CERT1: variants seen among roughly 807,000 people sequenced by gnomAD.
The protein encoded by CERT1 is ceramide transporter 1, also known as ceramide transfer protein.
A neutral mutation model predicts 87.9 loss-of-function variants in CERT1; 31 were observed. The observed-to-expected ratio is 0.35, with a 90% confidence interval of 0.27 to 0.48. CERT1 has a LOEUF of 0.48. Ranked by LOEUF, CERT1 falls within the 20% of genes least tolerant of loss-of-function variation. The pLI is 0.99. For synonymous variants in CERT1, 289 were observed against 250.9 expected, an observed-to-expected ratio of 1.15 and a Z score of -1.44; for missense variants, 487 against 758.0, an observed-to-expected ratio of 0.64 and a Z score of 4.20.
chr5:75,426,299 T>C (rs530527753), intron 4 of CERT1, 72 bp downstream of exon 4: 2 of 1,043,822 alleles, frequency 1.9e-6, no homozygotes, highest in East Asian at 2.4e-5. Flanking sequence ...TTATCACATA[T>C]GTTCTGTTCA....
intron 11 of CERT1, among the ~76,000 whole-genome samples, chr5:75,391,650 A>T (rs992451622): frequency 1.3e-5 from 2 of 152,238 alleles, no homozygotes; most frequent in Non-Finnish European, 2.9e-5. Flanking sequence ...CAAATTACTA[A>T]TACATACAAA....
At chr5:75,496,164 C>T (rs1159268690) in intron 2 of CERT1, among the ~76,000 whole-genome samples, 2 of 151,400 alleles carry the variant, frequency 1.3e-5, no homozygotes, top group East Asian at 3.9e-4. Flanking sequence ...GATATTTAAA[C>T]AAACATCACA....
chr5:75,437,024 G>A (rs556690199), intron 3 of CERT1, among the ~76,000 whole-genome samples: 9 of 152,062 alleles, frequency 5.9e-5, no homozygotes, highest in Non-Finnish European at 1.3e-4. Flanking sequence ...GGGGTCAAGC[G>A]ATTCTCCTAC....
Position 75,459,623 on chromosome 5 carries a change from A to G in CERT1, c.232-442T>C, listed in dbSNP as rs143290880. Reference sequence around the variant, plus strand: ...ATCCTCATGCCTCCCAACTGGGACTACTGGCACATACCACCATGCCCTGCT... The same window carrying G: ...ATCCTCATGCCTCCCAACTGGGACTGCTGGCACATACCACCATGCCCTGCT... On this transcript the variant is annotated intron_variant, in intron 2 of 16. Transcript: ENST00000643780. Among the ~76,000 whole-genome samples, 101 of 152,260 alleles carry G rather than the reference A, an allele frequency of 6.6e-4. 1 individual carries two copies. The highest frequency in any genetic ancestry group is 2.4e-3 in the African/African-American group (98 of 41,552).
intron 3 of CERT1, among the ~76,000 whole-genome samples, chr5:75,439,969 G>A (rs1326488773): frequency 6.6e-6 from 1 of 152,052 alleles, no homozygotes; most frequent in African/African-American, 2.4e-5. Flanking sequence ...GAACATGAGT[G>A]AGAAAATGTG....
intron 3 of CERT1, among the ~76,000 whole-genome samples, chr5:75,454,375 C>T (rs1764884152): frequency 6.6e-6 from 1 of 152,090 alleles, no homozygotes; most frequent in Non-Finnish European, 1.5e-5. Flanking sequence ...TTTTAATGTG[C>T]ATTTCTTGCT....
chr5:75,497,782 A>T (rs1409986016), intron 2 of CERT1, among the ~76,000 whole-genome samples: 2 of 152,292 alleles, frequency 1.3e-5, no homozygotes, highest in Admixed American at 6.5e-5. Context: ...TAGGAGCATG[A>T]GAACAGACTA....
chr5:75,466,577 C>T (rs1305101121), intron 2 of CERT1, among the ~76,000 whole-genome samples: 1 of 152,290 alleles, frequency 6.6e-6, no homozygotes, highest in East Asian at 1.9e-4. Flanking sequence ...TCCAGCTGAG[C>T]CTCAACTCTT....
chr5:75,398,852 A>G (rs1762359266), intron 11 of CERT1, among the ~76,000 whole-genome samples: 1 of 152,252 alleles, frequency 6.6e-6, no homozygotes. Context: ...AGAGCTTAGT[A>G]TTATAATGGA....
At chr5:75,397,706 T>C (rs948989906) in intron 11 of CERT1, among the ~76,000 whole-genome samples, 6 of 152,208 alleles carry the variant, frequency 3.9e-5, no homozygotes, top group African/African-American at 1.4e-4. Flanking sequence ...AGATTCATTA[T>C]GAATATGAGT....
chr5:75,469,606 CA>C (rs1213833970), intron 2 of CERT1, among the ~76,000 whole-genome samples: 1 of 151,270 alleles, frequency 6.6e-6, no homozygotes, highest in African/African-American at 2.4e-5. Flanking sequence ...GCAATAAATA[CA>C]AAAAATAAAT....
At chr5:75,459,962 CAAAAAAAAAAAAAAA>C (rs753591061) in intron 2 of CERT1, among the ~76,000 whole-genome samples, 1 of 25,532 alleles carries the variant, frequency 3.9e-5, no homozygotes, top group Admixed American at 4.5e-4. Flanking sequence ...TCCTCCGTCT[CAAAAAAAAAAAAAAA>C]AAAAAAAAAA....
At chr5:75,488,867 A>G (rs927350507) in intron 2 of CERT1, among the ~76,000 whole-genome samples, 5 of 152,142 alleles carry the variant, frequency 3.3e-5, no homozygotes, top group Admixed American at 6.5e-5. Context: ...CTCTATTCTG[A>G]GACATTTTTC....
intron 2 of CERT1, among the ~76,000 whole-genome samples, chr5:75,483,813 C>T (rs541816389): frequency 1.3e-5 from 2 of 151,772 alleles, no homozygotes; most frequent in East Asian, 3.9e-4. Flanking sequence ...CTAGACCTGT[C>T]TTGTAAGAGC....
chr5:75,484,651 C>T (rs1316862696), intron 2 of CERT1, among the ~76,000 whole-genome samples: 3 of 151,858 alleles, frequency 2.0e-5, no homozygotes, highest in African/African-American at 7.3e-5. Context: ...AAGGTCGTTA[C>T]ATAATGACAA....
At chr5:75,380,284 C>T (rs761751071) in intron 16 of CERT1, among the ~76,000 whole-genome samples, 6 of 152,030 alleles carry the variant, frequency 3.9e-5, no homozygotes, top group Non-Finnish European at 8.8e-5. Flanking sequence ...ACTAGGGAAA[C>T]GCTGACTCAG....
At chr5:75,410,406 G>C (rs552776460) in intron 8 of CERT1, among the ~76,000 whole-genome samples, 1 of 151,892 alleles carries the variant, frequency 6.6e-6, no homozygotes, top group African/African-American at 2.4e-5. Flanking sequence ...TCAGGAGATC[G>C]AGACCATCCT....
At chr5:75,395,856 A>T (rs1250557181) in intron 11 of CERT1, among the ~76,000 whole-genome samples, 1 of 152,048 alleles carries the variant, frequency 6.6e-6, no homozygotes, top group African/African-American at 2.4e-5. Flanking sequence ...TCTCAAAAAA[A>T]CCCAAAAAAC....
intron 3 of CERT1, among the ~76,000 whole-genome samples, chr5:75,436,091 G>T (rs572281065): frequency 6.6e-6 from 1 of 152,236 alleles, no homozygotes; most frequent in East Asian, 1.9e-4. Flanking sequence ...GGAGTGCAGC[G>T]GTGCGATCTT....
Sources: gnomAD v4.1 joint callset for allele counts (sites outside exome capture counted in the v4.1 genomes callset) on GRCh38, gnomAD v4.1.1 for gene constraint, MANE v1.5 for transcripts, NCBI Gene and HGNC (gene_info 2026-07-23, HGNC 2026-07-21) for gene names.